Variants in DTWD2 observed in about 807,000 individuals in gnomAD.
DTWD2 encodes the protein tRNA-uridine aminocarboxypropyltransferase 2.
Under a neutral mutation model 31.8 loss-of-function variants are expected in DTWD2, and 39 were observed. That is an observed-to-expected ratio of 1.22 (90% CI 0.95 to 1.60). DTWD2 has a LOEUF of 1.60. Among genes scored for constraint, DTWD2 ranks in the 40% most tolerant of loss-of-function variants. The probability of loss-of-function intolerance (pLI) is 0.00; values close to 1 mark genes in which losing one functional copy is unlikely to be tolerated. For missense variants in DTWD2, 515 were observed against 381.5 expected (o/e 1.35, Z -2.92); for synonymous variants, 180 against 142.8 (o/e 1.26, Z -1.86).
At chr5:118,937,767 C>T (rs1401321424) in intron 3 of DTWD2, among the ~76,000 whole-genome samples, 1 of 152,044 alleles carries the variant, frequency 6.6e-6, no homozygotes, top group African/African-American at 2.4e-5. Flanking sequence ...ACCCACCCAG[C>T]GGTTGAATCC....
Position 118,949,285 on chromosome 5 carries a change from G to A in DTWD2, c.219-4636C>T, listed in dbSNP as rs181971815. Reference sequence around the variant, plus strand: ...CCTTGTGGCAGTATAGCCTAGGTAAGTTGCTGAGACTGATGGGTGTCAGGG... The same window carrying A: ...CCTTGTGGCAGTATAGCCTAGGTAAATTGCTGAGACTGATGGGTGTCAGGG... On this transcript the variant is annotated intron_variant, in intron 1 of 5. Transcript: ENST00000510708. Among the ~76,000 whole-genome samples the A allele has an allele frequency of 5.4e-3, 830 of 152,312 alleles. 3 individuals carry two copies. The highest frequency in any genetic ancestry group is 5.8e-3 in the Non-Finnish European group (398 of 68,036).
chr5:118,840,803 T>C lies in DTWD2; in HGVS notation c.*114A>G, dbSNP rs1209948311. 2.8e-6 allele frequency: 3 copies of C among 1,061,328 alleles called. No homozygotes were observed. Among genetic ancestry groups the C allele is most frequent in the Non-Finnish European group, 3.8e-6 (3 of 788,986 alleles). 65.7% of individuals were successfully genotyped at this position (1,061,328 alleles called of 1,614,324 possible). ...ACTTCCTTCTTCTGGGTAAGATTAG[T>C]ATGCAATTCTCCTTCTTTAGCAAGT... is the stretch of plus-strand genomic sequence containing the variant. On this transcript the variant is annotated 3_prime_UTR_variant, in exon 6 of 6. Transcript: ENST00000510708.
chr5:118,957,580 A>AT (rs1436210394), intron 1 of DTWD2, among the ~76,000 whole-genome samples: 15 of 151,952 alleles, frequency 9.9e-5, no homozygotes, highest in African/African-American at 3.6e-4. Context: ...TGATATATAT[A>AT]ATATATATCT....
At chr5:118,940,386 A>G (rs1227760614) in intron 2 of DTWD2, among the ~76,000 whole-genome samples, 1 of 152,198 alleles carries the variant, frequency 6.6e-6, no homozygotes, top group Non-Finnish European at 1.5e-5. Flanking sequence ...AAAGTAATAC[A>G]TGTATATATG....
chr5:118,969,813 G>A (rs1187326903), intron 1 of DTWD2, among the ~76,000 whole-genome samples: 8 of 152,148 alleles, frequency 5.3e-5, no homozygotes, highest in Non-Finnish European at 1.2e-4. Flanking sequence ...CATGGGTACA[G>A]AACTAGGCTG....
At chr5:118,979,055 A>G (rs918357310) in intron 1 of DTWD2, among the ~76,000 whole-genome samples, 34 of 152,294 alleles carry the variant, frequency 2.2e-4, no homozygotes, top group African/African-American at 7.9e-4. Context: ...CTATAATCCC[A>G]GCACTTTGGG....
intron 4 of DTWD2, among the ~76,000 whole-genome samples, chr5:118,868,568 CAAAT>C (rs1345508970): frequency 6.6e-6 from 1 of 151,940 alleles, no homozygotes; most frequent in Admixed American, 6.6e-5. Context: ...CAACAACAAA[CAAAT>C]AATGCCTCTA....
In DTWD2 at chr5:118,836,275, C is replaced by T. The variant is rs1751560820; in HGVS notation, c.*4642G>A. Among the ~76,000 whole-genome samples, 1 of 152,128 alleles carries T rather than the reference C, an allele frequency of 6.6e-6. No individual in the cohort carries two copies. The highest frequency in any genetic ancestry group is 1.5e-5 in the Non-Finnish European group (1 of 68,040). ...TATTTATTTGAGACACTGTCTCACTCTGTCGCCCAGGCTAGAGTGCAGTGG... is the reference window on the plus strand; with the variant it reads ...TATTTATTTGAGACACTGTCTCACTTTGTCGCCCAGGCTAGAGTGCAGTGG... On this transcript the variant is annotated 3_prime_UTR_variant, in exon 6 of 6. Coordinates refer to ENST00000510708, the MANE Select transcript of DTWD2 (RefSeq NM_173666.4).
At chr5:118,978,788 T>C (rs2149602791) in intron 1 of DTWD2, among the ~76,000 whole-genome samples, 1 of 143,282 alleles carries the variant, frequency 7.0e-6, no homozygotes, top group Middle Eastern at 4.6e-3. Flanking sequence ...GGTGGATCAC[T>C]TGAGGTCAGG....
chr5:118,986,189 TTATC>T (rs929360697), intron 1 of DTWD2, among the ~76,000 whole-genome samples: 1 of 152,090 alleles, frequency 6.6e-6, no homozygotes, highest in Non-Finnish European at 1.5e-5. Flanking sequence ...GGTTTTGTCT[TTATC>T]TGAAAAAAAA....
chr5:118,941,395 C>A (rs545125582), intron 2 of DTWD2, among the ~76,000 whole-genome samples: 94 of 152,272 alleles, frequency 6.2e-4, no homozygotes, highest in African/African-American at 2.2e-3. Flanking sequence ...TCTCATTGTT[C>A]AATTCCCACC....
chr5:118,915,317 G>A (rs112781114), intron 4 of DTWD2, among the ~76,000 whole-genome samples: 75 of 151,754 alleles, frequency 4.9e-4, no homozygotes, highest in African/African-American at 1.7e-3. Context: ...TAAAAATAAG[G>A]ATTCCCACTA....
intron 4 of DTWD2, among the ~76,000 whole-genome samples, chr5:118,921,187 G>C (rs1180632083): frequency 6.6e-6 from 1 of 151,994 alleles, no homozygotes; most frequent in Non-Finnish European, 1.5e-5. Context: ...CCCTAAAACA[G>C]AAGCCAAAAA....
At chr5:118,937,077 T>C (rs906119506) in intron 3 of DTWD2, among the ~76,000 whole-genome samples, 12 of 152,102 alleles carry the variant, frequency 7.9e-5, no homozygotes, top group African/African-American at 2.9e-4. Flanking sequence ...ATAAATGAAT[T>C]ATATTTGTAA....
intron 4 of DTWD2, among the ~76,000 whole-genome samples, chr5:118,873,090 G>A (rs1752542640): frequency 6.6e-6 from 1 of 152,160 alleles, no homozygotes; most frequent in Non-Finnish European, 1.5e-5. Context: ...TCTCACTATG[G>A]GCCTCTGGAT....
chr5:118,931,631 G>T (rs1394870252), intron 3 of DTWD2, among the ~76,000 whole-genome samples: 1 of 152,166 alleles, frequency 6.6e-6, no homozygotes, highest in Non-Finnish European at 1.5e-5. Context: ...GACAAATCCA[G>T]TAATACAGTT....
chr5:118,935,506 C>CTGCTTGCT (rs752089218), intron 3 of DTWD2, among the ~76,000 whole-genome samples: 58 of 152,188 alleles, frequency 3.8e-4, no homozygotes, highest in African/African-American at 1.3e-3. Context: ...GCAAAATTGA[C>CTGCTTGCT]TGCTTGCTTG....
chr5:118,917,631 G>A (rs1466362076), intron 4 of DTWD2, among the ~76,000 whole-genome samples: 2 of 152,156 alleles, frequency 1.3e-5, no homozygotes, highest in African/African-American at 2.4e-5. Flanking sequence ...TTCACATGGG[G>A]GCAGGAGAAA....
At position 118,863,708 on chromosome 5, in the gene DTWD2, T is replaced by C. The variant is rs577674333; in HGVS notation, c.598-15490A>G. 6.6e-5 allele frequency among the ~76,000 whole-genome samples: 10 copies of C among 152,322 alleles called. No individual in the cohort carries two copies. The East Asian group carries it at 1.9e-3, about 29-fold the overall frequency. ...TGAGATGAAAAGGTAATTTTGGACATTCTCATGGAAGGAGCAGATCCAGAG... is the reference window on the plus strand; with the variant it reads ...TGAGATGAAAAGGTAATTTTGGACACTCTCATGGAAGGAGCAGATCCAGAG... On this transcript the variant is annotated intron_variant, in intron 4 of 5. Transcript: ENST00000510708.
Sources: allele counts gnomAD v4.1 joint callset (sites outside exome capture counted in the v4.1 genomes callset), GRCh38; gene constraint gnomAD v4.1.1; transcripts MANE v1.5; gene names NCBI Gene and HGNC (gene_info 2026-07-23, HGNC 2026-07-21).